The following RGL1 variants were observed in gnomAD, a reference collection of about 807,000 sequenced individuals.
The protein encoded by RGL1 is ral guanine nucleotide dissociation stimulator like 1, also known as ral guanine nucleotide dissociation stimulator-like 1.
In RGL1, 24 loss-of-function variants were observed where a neutral mutation model predicts 95.2. That is an observed-to-expected ratio of 0.25 (90% CI 0.18 to 0.35). The LOEUF (loss-of-function observed/expected upper bound fraction) is 0.35. Among genes scored for constraint, RGL1 ranks in the 10% least tolerant of loss-of-function variants. The pLI, the probability that RGL1 is intolerant of heterozygous loss-of-function variation, is 1.00. For missense variants in RGL1, 715 were observed against 936.3 expected, an observed-to-expected ratio of 0.76 and a Z score of 3.08; for synonymous variants, 329 against 344.9, an observed-to-expected ratio of 0.95 and a Z score of 0.51.
intron 3 of RGL1, among the ~76,000 whole-genome samples, chr1:183,855,726 C>T (rs933113744): frequency 2.6e-5 from 4 of 152,162 alleles, no homozygotes; most frequent in Non-Finnish European, 5.9e-5. Flanking sequence ...CTAGAGGTGA[C>T]ACTGAGACCA....
chr1:183,659,136 A>G (rs941425198), intron 1 of RGL1, among the ~76,000 whole-genome samples: 2 of 152,204 alleles, frequency 1.3e-5, no homozygotes, highest in African/African-American at 4.8e-5. Flanking sequence ...TGGAAACTCT[A>G]AAAAGCAGAG....
intron 2 of RGL1, among the ~76,000 whole-genome samples, chr1:183,834,946 G>T (rs1407495222): frequency 6.6e-6 from 1 of 152,108 alleles, no homozygotes; most frequent in East Asian, 1.9e-4. Flanking sequence ...GCCTCCCAAA[G>T]CACTGGGATT....
intron 2 of RGL1, among the ~76,000 whole-genome samples, chr1:183,750,104 C>A (rs944572071): frequency 6.6e-6 from 1 of 152,172 alleles, no homozygotes; most frequent in Non-Finnish European, 1.5e-5. Context: ...GAATGTTGGC[C>A]TGTCTTGCTA....
intron 2 of RGL1, among the ~76,000 whole-genome samples, chr1:183,809,267 A>G (rs992296555): frequency 5.3e-5 from 8 of 152,220 alleles, no homozygotes; most frequent in Admixed American, 6.5e-5. Flanking sequence ...TTAAGATTCA[A>G]TTTTGGGGAG....
intron 1 of RGL1, among the ~76,000 whole-genome samples, chr1:183,671,210 G>A (rs779209582): frequency 6.6e-6 from 1 of 151,860 alleles, no homozygotes; most frequent in Non-Finnish European, 1.5e-5. Context: ...CCCTTGACAT[G>A]TAGAAATTAT....
At chr1:183,803,896 C>T (rs1420867530), upstream of RGL1, among the ~76,000 whole-genome samples, 4 of 152,098 alleles carry the variant, frequency 2.6e-5, no homozygotes, top group Non-Finnish European at 5.9e-5. Context: ...ATGTGTTTTT[C>T]GTTCGTTTGT....
intron 1 of RGL1, among the ~76,000 whole-genome samples, chr1:183,667,186 C>T (rs1026762141): frequency 5.3e-5 from 8 of 152,060 alleles, no homozygotes; most frequent in African/African-American, 1.9e-4. Context: ...GTATATCTTT[C>T]TTTATCTCTT....
chr1:183,733,763 G>T (rs1027994267), intron 1 of RGL1, among the ~76,000 whole-genome samples: 5 of 152,180 alleles, frequency 3.3e-5, no homozygotes, highest in Admixed American at 3.3e-4. Context: ...ACACTAACTA[G>T]ATCATTATTA....
chr1:183,680,025 G>A (rs1226619718), intron 1 of RGL1, among the ~76,000 whole-genome samples: 1 of 152,146 alleles, frequency 6.6e-6, no homozygotes, highest in Non-Finnish European at 1.5e-5. Flanking sequence ...CTTTTGAGAA[G>A]TGTCTGTTCA....
chr1:183,658,251 G>A (rs923039473), intron 1 of RGL1, among the ~76,000 whole-genome samples: 4 of 152,216 alleles, frequency 2.6e-5, no homozygotes, highest in Admixed American at 6.5e-5. Flanking sequence ...GAAGCAGGGC[G>A]AGGCATTGCC....
intron 3 of RGL1, among the ~76,000 whole-genome samples, chr1:183,864,322 A>C (rs1418263373): frequency 3.9e-5 from 6 of 152,238 alleles, no homozygotes; most frequent in Admixed American, 1.3e-4. Flanking sequence ...ATGTAACAAA[A>C]ACAAAGATTA....
At chr1:183,684,633 G>T (rs994502960) in intron 1 of RGL1, among the ~76,000 whole-genome samples, 2 of 152,184 alleles carry the variant, frequency 1.3e-5, no homozygotes, top group Non-Finnish European at 2.9e-5. Flanking sequence ...CGCCACTGGG[G>T]TATGAAAAAA....
At chr1:183,922,885 G>A (rs1333918170) in intron 17 of RGL1, among the ~76,000 whole-genome samples, 2 of 152,146 alleles carry the variant, frequency 1.3e-5, no homozygotes, top group African/African-American at 4.8e-5. Flanking sequence ...GGTAATCTAT[G>A]AAAGGCTTCA....
chr1:183,797,586 A>G (rs1348817314), intron 2 of RGL1, among the ~76,000 whole-genome samples: 2 of 152,220 alleles, frequency 1.3e-5, no homozygotes, highest in African/African-American at 2.4e-5. Flanking sequence ...ACCTTATAGT[A>G]TTTCTGTGAT....
intron 2 of RGL1, among the ~76,000 whole-genome samples, chr1:183,750,746 G>T (rs141384714): frequency 6.6e-6 from 1 of 152,172 alleles, no homozygotes; most frequent in African/African-American, 2.4e-5. Context: ...GGGTTTTTGC[G>T]TGGGCATCCT....
chr1:183,715,320 CGTT>C (rs1304824975), intron 1 of RGL1, among the ~76,000 whole-genome samples: 2 of 152,216 alleles, frequency 1.3e-5, no homozygotes, highest in South Asian at 4.2e-4. Context: ...TTTCCTCCCT[CGTT>C]GTTGGTGAAC....
chr1:183,734,241 T>A (rs1257201297), intron 1 of RGL1, among the ~76,000 whole-genome samples: 1 of 152,186 alleles, frequency 6.6e-6, no homozygotes, highest in Admixed American at 6.5e-5. Flanking sequence ...TTTCGAGAGC[T>A]CAGATTCCTA....
chr1:183,666,179 A>G (rs1204397193), intron 1 of RGL1, among the ~76,000 whole-genome samples: 1 of 151,130 alleles, frequency 6.6e-6, no homozygotes, highest in East Asian at 1.9e-4. Flanking sequence ...CTAATTTTGT[A>G]TTTTTAGTAG....
intron 1 of RGL1, among the ~76,000 whole-genome samples, chr1:183,684,809 C>T (rs1653465429): frequency 1.3e-5 from 2 of 152,190 alleles, no homozygotes; most frequent in Admixed American, 1.3e-4. Flanking sequence ...CCTCATGGCA[C>T]AGTCCCTCAC....
Sources: allele counts gnomAD v4.1 joint callset (sites outside exome capture counted in the v4.1 genomes callset), GRCh38; gene constraint gnomAD v4.1.1; transcripts MANE v1.5; gene names NCBI Gene and HGNC (gene_info 2026-07-23, HGNC 2026-07-21).